Variants in UBE2R2 observed in about 807,000 individuals in gnomAD.
The protein encoded by UBE2R2 is ubiquitin conjugating enzyme E2 R2.
Under a neutral mutation model 27.8 loss-of-function variants are expected in UBE2R2, and 1 was observed. The ratio of observed to expected loss-of-function variants is 0.04; its 90% CI spans 0.01 to 0.17. The LOEUF (loss-of-function observed/expected upper bound fraction) is 0.17, where lower values mean the gene tolerates loss of function less well. Ranked by LOEUF, UBE2R2 falls within the 10% of genes least tolerant of loss-of-function variation. The probability of loss-of-function intolerance (pLI) is 1.00; values close to 1 mark genes in which losing one functional copy is unlikely to be tolerated. For synonymous variants in UBE2R2, 106 were observed against 113.3 expected (o/e 0.94, Z 0.41); for missense variants, 100 against 291.0 (o/e 0.34, Z 4.78).
chr9:33,900,216 G>T lies in UBE2R2; in HGVS notation c.307G>T (p.Asp103Tyr). Reference sequence around the variant, plus strand: ...TTCGATTCTTCATCCGCCTGTAGATGACCCACAGAGTGGAGAACTGCCTTC... The same window carrying T: ...TTCGATTCTTCATCCGCCTGTAGATTACCCACAGAGTGGAGAACTGCCTTC... The part of the protein sequence containing the change: ...CISILHPPVD[D>Y]PQSGELPSER... The change falls in exon 3 of 5, where the codon GAC becomes TAC. Residue 103 changes from aspartate to tyrosine, a missense_variant. Asp to Tyr is a radical substitution (Grantham distance 160). Transcript: ENST00000263228. 2 of 1,613,306 alleles carry T rather than the reference G, an allele frequency of 1.2e-6. No individual in the cohort carries two copies. Among genetic ancestry groups the T allele is most frequent in the South Asian group, 2.2e-5 (2 of 91,010 alleles).
chr9:33,864,059 G>A (rs1351793263), intron 1 of UBE2R2, among the ~76,000 whole-genome samples: 2 of 151,986 alleles, frequency 1.3e-5, no homozygotes, highest in African/African-American at 2.4e-5. Context: ...CTGGTCTCAA[G>A]CAAGCAGTCC....
In UBE2R2 at chr9:33,918,175, ATC is replaced by A. The variant is rs1233103849; in HGVS notation, c.*940_*941del. 6 of 152,498 alleles carry A rather than the reference ATC, an allele frequency of 3.9e-5. No individual in the cohort carries two copies. Among genetic ancestry groups the A allele is most frequent in the Non-Finnish European group, 8.8e-5 (6 of 68,028 alleles). 9.4% of individuals were successfully genotyped at this position (152,498 alleles called of 1,614,324 possible). A position where few individuals can be genotyped will look rare whatever the true frequency, so the allele number is the denominator to read the frequency against. ...GGTGACCACTGTTGGGAGAGGAAAC[ATC>A]TGTTTTATAGATTTAGCATGGCCTT... On this transcript the variant is annotated 3_prime_UTR_variant, in exon 5 of 5. Transcript: ENST00000263228.
rs772669440 is a variant in UBE2R2, at chr9:33,875,321, G to GGGT, written c.178-11559_178-11557dup. Among the ~76,000 whole-genome samples the GGGT allele has an allele frequency of 4.6e-5, 7 of 152,232 alleles. No individual in the cohort carries two copies. The East Asian group carries it at 1.3e-3, about 29-fold the overall frequency. On this transcript the variant is annotated intron_variant, in intron 1 of 4. Coordinates refer to ENST00000263228, the MANE Select transcript of UBE2R2 (RefSeq NM_017811.4). ...CCCTGAAATTACTAAGATCTATAAT[G>GGGT]GGTAAGAGCAAATTTTCTAATATAT...
Position 33,912,161 on chromosome 9 carries a change from G to T in UBE2R2, c.497+63G>T, listed in dbSNP as rs60882935. The stretch of plus-strand genomic sequence containing the variant: ...ACCAAAATATATTCTGGAACCAAGG[G>T]TTTAAATCAAACTTAAATATCCTGT... On this transcript the variant is annotated intron_variant, in intron 4 of 4. Transcript: ENST00000263228. 3,084 of 1,417,600 alleles carry T rather than the reference G, an allele frequency of 2.2e-3. 49 individuals are homozygous for T. In the African/African-American group the frequency reaches 0.038, roughly 18 times the overall value. 87.8% of individuals were successfully genotyped at this position (1,417,600 alleles called of 1,614,324 possible). A position where few individuals can be genotyped will look rare whatever the true frequency, so the allele number is the denominator to read the frequency against.
At chr9:33,911,913 A>G (rs1209579111) in intron 3 of UBE2R2, 51 bp from the exon 4 acceptor site, 1 of 1,542,268 alleles carries the variant, frequency 6.5e-7, no homozygotes. Context: ...GAATACTTTT[A>G]AATACTGTAA....
Position 33,918,703 on chromosome 9 carries a change from T to A in UBE2R2, c.*1466T>A, listed in dbSNP as rs1450249544. The stretch of plus-strand genomic sequence containing the variant: ...AAACCGCTATAATGTAAAATCAGAT[T>A]TCAGAAGGAAAATGCAGCAAGGACT... On this transcript the variant is annotated 3_prime_UTR_variant, in exon 5 of 5. Coordinates refer to ENST00000263228, the MANE Select transcript of UBE2R2 (RefSeq NM_017811.4). 1 of 152,512 alleles carries A rather than the reference T, an allele frequency of 6.6e-6. No homozygotes were observed. The highest frequency in any genetic ancestry group is 2.4e-5 in the African/African-American group (1 of 41,406). 9.4% of individuals were successfully genotyped at this position (152,512 alleles called of 1,614,324 possible).
At chr9:33,848,399 T>C (rs1820891474) in intron 1 of UBE2R2, among the ~76,000 whole-genome samples, 1 of 152,170 alleles carries the variant, frequency 6.6e-6, no homozygotes, top group Admixed American at 6.6e-5. Context: ...TACAAAATAA[T>C]CCTGGAGACT....
At chr9:33,887,646 TTTTG>T (rs201263026) in intron 2 of UBE2R2, among the ~76,000 whole-genome samples, 66,172 of 150,066 alleles carry the variant, frequency 0.44, 15,671 homozygotes, top group South Asian at 0.62. Flanking sequence ...AAGTGTGCTT[TTTTG>T]TTTGTTTGTT....
chr9:33,865,459 G>A (rs543117740), intron 1 of UBE2R2, among the ~76,000 whole-genome samples: 9 of 151,974 alleles, frequency 5.9e-5, no homozygotes, highest in Non-Finnish European at 1.2e-4. Context: ...GCCTCCCAAA[G>A]TGCTGGGATT....
At chr9:33,836,707 A>G (rs575540604) in intron 1 of UBE2R2, among the ~76,000 whole-genome samples, 1 of 152,138 alleles carries the variant, frequency 6.6e-6, no homozygotes, top group East Asian at 1.9e-4. Context: ...CAGTGAGCCA[A>G]GATCATGCCA....
intron 1 of UBE2R2, among the ~76,000 whole-genome samples, chr9:33,863,212 AAAAG>A (rs908535334): frequency 8.0e-5 from 12 of 150,728 alleles, no homozygotes; most frequent in African/African-American, 2.2e-4. Context: ...AAAGAAGAAG[AAAAG>A]AAAGAAAGTA....
intron 1 of UBE2R2, among the ~76,000 whole-genome samples, chr9:33,862,146 C>T (rs946147323): frequency 2.6e-5 from 4 of 151,988 alleles, no homozygotes; most frequent in African/African-American, 9.7e-5. Flanking sequence ...AGCCACCGTG[C>T]CCGGCCTGTT....
In UBE2R2 at chr9:33,817,802, C is replaced by T. The variant is rs745554756; in HGVS notation, c.45C>T (p.Leu15=). Residue 15 remains leucine, a synonymous_variant, in exon 1 of 5, where the codon CTC becomes CTT. Coordinates refer to ENST00000263228, the MANE Select transcript of UBE2R2 (RefSeq NM_017811.4). The part of the protein sequence containing the change: ...QMTSSQKALM[L]ELKSLQEEPV... ...CCAGCTCGCAGAAGGCCCTGATGCT[C>T]GAGCTGAAATCCCTGCAGGAGGAAC... is the stretch of plus-strand genomic sequence containing the variant. The T allele has an allele frequency of 1.2e-5, 19 of 1,610,884 alleles. No homozygotes were observed. The Admixed American group carries it at 3.2e-4, about 27-fold the overall frequency.
At chr9:33,820,534 C>A (rs990068832) in intron 1 of UBE2R2, among the ~76,000 whole-genome samples, 2 of 152,098 alleles carry the variant, frequency 1.3e-5, no homozygotes, top group African/African-American at 4.8e-5. Flanking sequence ...TGTTTAAAAC[C>A]ATTGTTTTTA....
chr9:33,888,667 C>T (rs1321546182), intron 2 of UBE2R2, among the ~76,000 whole-genome samples: 2 of 152,144 alleles, frequency 1.3e-5, no homozygotes, highest in African/African-American at 4.8e-5. Context: ...CAGGTGTGCA[C>T]GACCACACCT....
At chr9:33,899,940 TC>T (rs1327926227) in intron 2 of UBE2R2, among the ~76,000 whole-genome samples, 1 of 152,046 alleles carries the variant, frequency 6.6e-6, no homozygotes, top group Non-Finnish European at 1.5e-5. Context: ...TCAGGATTGT[TC>T]TATAGGAATA....
intron 1 of UBE2R2, among the ~76,000 whole-genome samples, chr9:33,857,255 A>T (rs1459367070): frequency 6.6e-6 from 1 of 151,522 alleles, no homozygotes; most frequent in Non-Finnish European, 1.5e-5. Context: ...GTAGGGTTTC[A>T]GAAGACAGTA....
chr9:33,871,608 A>G lies in UBE2R2; in HGVS notation c.178-15273A>G, dbSNP rs572518505. ...AGTACTTGTTCTTATGAGTTTGCGT[A>G]TTAGTCAAAAAAGATGTAAGGAGTT... On this transcript the variant is annotated intron_variant, in intron 1 of 4. Coordinates refer to ENST00000263228, the MANE Select transcript of UBE2R2 (RefSeq NM_017811.4). 2.5e-4 allele frequency among the ~76,000 whole-genome samples: 38 copies of G among 152,308 alleles called. 1 individual carries two copies. Among genetic ancestry groups the G allele is most frequent in the African/African-American group, 8.7e-4 (36 of 41,568 alleles).
chr9:33,831,801 A>G (rs1036185387), intron 1 of UBE2R2, among the ~76,000 whole-genome samples: 8 of 151,884 alleles, frequency 5.3e-5, no homozygotes, highest in Non-Finnish European at 1.2e-4. Context: ...TTGGGACTAT[A>G]GGTGCCTGCC....
Sources: gnomAD v4.1 joint callset for allele counts (sites outside exome capture counted in the v4.1 genomes callset) on GRCh38, gnomAD v4.1.1 for gene constraint, MANE v1.5 for transcripts, NCBI Gene and HGNC (gene_info 2026-07-23, HGNC 2026-07-21) for gene names.